Variants in TECRL observed in about 807,000 individuals in gnomAD.
TECRL encodes trans-2,3-enoyl-CoA reductase like, also known as trans-2,3-enoyl-CoA reductase-like.
TECRL carries 63 observed loss-of-function variants against 52.8 expected under a neutral mutation model. The ratio of observed to expected loss-of-function variants is 1.19; its 90% CI spans 0.97 to 1.47. The LOEUF is 1.47. Ranked by LOEUF, TECRL falls within the 40% of genes most tolerant of loss-of-function variation. The probability of loss-of-function intolerance (pLI) is 0.00; values close to 1 mark genes in which losing one functional copy is unlikely to be tolerated. For synonymous variants in TECRL, 164 were observed against 141.9 expected, an observed-to-expected ratio of 1.16 and a Z score of -1.10; for missense variants, 482 against 429.6, an observed-to-expected ratio of 1.12 and a Z score of -1.08.
intron 2 of TECRL, among the ~76,000 whole-genome samples, chr4:64,368,281 TTTTC>T (rs1429970800): frequency 5.7e-5 from 3 of 52,564 alleles, no homozygotes; most frequent in East Asian, 1.1e-3. Flanking sequence ...TGTTTGTTTG[TTTTC>T]TTTTTTTGTT....
chr4:64,333,141 C>T (rs1277117878), intron 2 of TECRL, among the ~76,000 whole-genome samples: 4 of 151,396 alleles, frequency 2.6e-5, no homozygotes, highest in Non-Finnish European at 5.9e-5. Context: ...AATTGCTAAA[C>T]CATTTGAAAC....
At chr4:64,379,249 C>CAT (rs1722611469) in intron 1 of TECRL, among the ~76,000 whole-genome samples, 1 of 1,046 alleles carries the variant, frequency 9.6e-4, no homozygotes, top group East Asian at 0.5. Context: ...CACACACATA[C>CAT]ACACACACAC....
At chr4:64,397,502 A>C (rs1372727979) in intron 1 of TECRL, among the ~76,000 whole-genome samples, 1 of 151,266 alleles carries the variant, frequency 6.6e-6, no homozygotes, top group African/African-American at 2.4e-5. Context: ...AGGGATTAGC[A>C]CCCTTACAAA....
At chr4:64,384,022 C>T (rs1723001009) in intron 1 of TECRL, among the ~76,000 whole-genome samples, 1 of 152,012 alleles carries the variant, frequency 6.6e-6, no homozygotes, top group African/African-American at 2.4e-5. Context: ...ATGTGGTACT[C>T]AGAGGCTTAG....
At chr4:64,369,962 G>A (rs564313754) in intron 2 of TECRL, among the ~76,000 whole-genome samples, 2 of 151,868 alleles carry the variant, frequency 1.3e-5, no homozygotes, top group East Asian at 1.9e-4. Context: ...TAGAAAAAAT[G>A]AGAGTACAGA....
chr4:64,351,260 GTA>G (rs1214797736), intron 2 of TECRL, among the ~76,000 whole-genome samples: 5 of 141,938 alleles, frequency 3.5e-5, no homozygotes, highest in South Asian at 2.4e-4. Context: ...CAAAAACTGT[GTA>G]TTGTATATTT....
In TECRL at chr4:64,289,692, A is replaced by G; in HGVS notation, c.832+18T>C. On this transcript the variant is annotated intron_variant, in intron 9 of 11. Coordinates refer to ENST00000381210, the MANE Select transcript of TECRL (RefSeq NM_001010874.5). ...ACATAATTCACTCTAAAGAAAAGAAAAAGAAAAAAGAACTAACCTGTGTGA... is the reference window on the plus strand; with the variant it reads ...ACATAATTCACTCTAAAGAAAAGAAGAAGAAAAAAGAACTAACCTGTGTGA... 2 of 1,503,344 alleles carry G rather than the reference A, an allele frequency of 1.3e-6. No individual in the cohort carries two copies. The highest frequency in any genetic ancestry group is 1.7e-4 in the Middle Eastern group (1 of 5,800). The allele number at this position is 1,503,344 out of a possible 1,614,324, so 93.1% of individuals were successfully genotyped here. A position where few individuals can be genotyped will look rare whatever the true frequency, so the allele number is the denominator to read the frequency against.
intron 2 of TECRL, among the ~76,000 whole-genome samples, chr4:64,345,617 G>A (rs1306596621): frequency 6.6e-6 from 1 of 150,402 alleles, no homozygotes; most frequent in Non-Finnish European, 1.5e-5. Flanking sequence ...GAGTTAATAG[G>A]TGCAGCACAC....
chr4:64,354,973 T>TAA, intron 2 of TECRL, among the ~76,000 whole-genome samples: 1 of 152,272 alleles, frequency 6.6e-6, no homozygotes, highest in Non-Finnish European at 1.5e-5. Flanking sequence ...ATGATATGGA[T>TAA]AAGTGAGTAA....
chr4:64,309,366 G>C (rs1724530822), intron 6 of TECRL, among the ~76,000 whole-genome samples: 2 of 151,960 alleles, frequency 1.3e-5, no homozygotes, highest in South Asian at 4.2e-4. Context: ...TTCATGTTTT[G>C]GTAGTTATTT....
Position 64,356,946 on chromosome 4 carries a change from TTATCTC to T in TECRL, c.286+18220_286+18225del, listed in dbSNP as rs1239220857. Among the ~76,000 whole-genome samples the T allele has an allele frequency of 3.3e-5, 5 of 152,158 alleles. No homozygotes were observed. In the East Asian group the frequency reaches 7.7e-4, roughly 23 times the overall value. On this transcript the variant is annotated intron_variant, in intron 2 of 11. Coordinates refer to ENST00000381210, the MANE Select transcript of TECRL (RefSeq NM_001010874.5). ...CATTTGATAATTTTCTAAAACCAGA[TTATCTC>T]TATACTTTCTCAACTCTATAGTAGA...
At chr4:64,313,547 T>C (rs1205861720) in intron 5 of TECRL, among the ~76,000 whole-genome samples, 2 of 145,752 alleles carry the variant, frequency 1.4e-5, no homozygotes, top group Admixed American at 1.4e-4. Flanking sequence ...AGTGGTGCGA[T>C]CTCAGCTCAC....
At chr4:64,290,697 T>G (rs950796299) in intron 8 of TECRL, among the ~76,000 whole-genome samples, 1 of 152,088 alleles carries the variant, frequency 6.6e-6, no homozygotes, top group East Asian at 1.9e-4. Flanking sequence ...AATAAATAAC[T>G]GGTATATATT....
At chr4:64,329,258 ACTT>A (rs530843926) in intron 2 of TECRL, among the ~76,000 whole-genome samples, 334 of 152,110 alleles carry the variant, frequency 2.2e-3, no homozygotes, top group African/African-American at 7.7e-3. Context: ...TTAAAAGTTT[ACTT>A]CTTAACTTTG....
chr4:64,317,386 T>C (rs1717578742), intron 4 of TECRL, among the ~76,000 whole-genome samples: 2 of 152,056 alleles, frequency 1.3e-5, no homozygotes, highest in South Asian at 4.1e-4. Context: ...CTGTGCTTAA[T>C]GCATTTCGTT....
At chr4:64,327,023 C>T (rs774405219) in intron 3 of TECRL, among the ~76,000 whole-genome samples, 17 of 152,104 alleles carry the variant, frequency 1.1e-4, no homozygotes, top group Non-Finnish European at 2.4e-4. Context: ...GCATTATAAA[C>T]ATATAAACAC....
intron 2 of TECRL, among the ~76,000 whole-genome samples, chr4:64,336,565 G>C (rs948367758): frequency 1.3e-5 from 2 of 152,112 alleles, no homozygotes; most frequent in African/African-American, 4.8e-5. Flanking sequence ...GAATGTGTTT[G>C]CTCTTGCTTC....
At chr4:64,406,704 G>T (rs1724751696) in intron 1 of TECRL, among the ~76,000 whole-genome samples, 1 of 151,938 alleles carries the variant, frequency 6.6e-6, no homozygotes, top group Non-Finnish European at 1.5e-5. Context: ...GCAATTCAGT[G>T]ACTTTCTTAC....
Position 64,312,573 on chromosome 4 carries a change from G to A in TECRL, c.551+2075C>T, listed in dbSNP as rs147521919. 7.2e-5 allele frequency among the ~76,000 whole-genome samples: 11 copies of A among 152,094 alleles called. No homozygotes were observed. In the East Asian group the frequency reaches 2.1e-3, roughly 30 times the overall value. On this transcript the variant is annotated intron_variant, in intron 5 of 11. Coordinates refer to ENST00000381210, the MANE Select transcript of TECRL (RefSeq NM_001010874.5). ...GCCCAGGAGTTCAAGAACAGCCTGG[G>A]CAACATAATGAGACTTCATCTCTAA...
Sources: gnomAD v4.1 joint callset for allele counts (sites outside exome capture counted in the v4.1 genomes callset) on GRCh38, gnomAD v4.1.1 for gene constraint, MANE v1.5 for transcripts, NCBI Gene and HGNC (gene_info 2026-07-23, HGNC 2026-07-21) for gene names.